The following NET1 variants were observed in gnomAD, a reference collection of about 807,000 sequenced individuals.
The protein encoded by NET1 is neuroepithelial cell-transforming gene 1 protein.
In NET1, 42 loss-of-function variants were observed where a neutral mutation model predicts 61.1. The ratio of observed to expected loss-of-function variants is 0.69; its 90% CI spans 0.54 to 0.89. NET1 has a LOEUF of 0.89. NET1 is among the 40% of genes least tolerant of loss of function. The probability of loss-of-function intolerance (pLI) is 0.00; values close to 1 mark genes in which losing one functional copy is unlikely to be tolerated. For missense variants in NET1, 654 were observed against 747.3 expected, an observed-to-expected ratio of 0.88 and a Z score of 1.46; for synonymous variants, 254 against 281.8, an observed-to-expected ratio of 0.90 and a Z score of 0.99.
intron 3 of NET1, among the ~76,000 whole-genome samples, chr10:5,433,722 T>A (rs1403380296): frequency 2.0e-5 from 3 of 152,040 alleles, no homozygotes; most frequent in African/African-American, 7.2e-5. Context: ...TTTAGGAACT[T>A]TTTTTTTCTT....
Position 5,446,942 on chromosome 10 carries a change from G to T in NET1, c.256-4888G>T. The T allele has an allele frequency of 9.2e-7, 1 of 1,081,386 alleles. No homozygotes were observed. Among genetic ancestry groups the T allele is most frequent in the Non-Finnish European group, 1.3e-6 (1 of 765,558 alleles). 67.0% of individuals were successfully genotyped at this position (1,081,386 alleles called of 1,614,324 possible). The stretch of plus-strand genomic sequence containing the variant: ...TAAAATTTTTAACAAGGTATTAACA[G>T]TATAATTTTAAACTTTTGATCTTAT... On this transcript the variant is annotated intron_variant, in intron 3 of 11. Transcript: ENST00000355029. The surrounding 1 kb of genome is among the most constrained non-coding windows in gnomAD (Gnocchi z 5.0).
Position 5,429,157 on chromosome 10 carries a change from A to AT in NET1, c.196-8dup, listed in dbSNP as rs746179808. On this transcript the variant is annotated splice_polypyrimidine_tract_variant and intron_variant, in intron 2 of 11. Coordinates refer to ENST00000355029, the MANE Select transcript of NET1 (RefSeq NM_001047160.3). ...CCTTTTATATGAGAATGAAATCTCTATTTTTCTTTTAGAAAAGAAAACGCA... is the reference window on the plus strand; with the variant it reads ...CCTTTTATATGAGAATGAAATCTCTATTTTTTCTTTTAGAAAAGAAAACGCA... 6.3e-7 allele frequency: 1 copy of AT among 1,588,492 alleles called. No homozygotes were observed. The highest frequency in any genetic ancestry group is 1.1e-5 in the South Asian group (1 of 89,136).
chr10:5,434,543 C>A (rs919067087), intron 3 of NET1, among the ~76,000 whole-genome samples: 1 of 152,118 alleles, frequency 6.6e-6, no homozygotes, highest in African/African-American at 2.4e-5. Context: ...GTTCCCAGGG[C>A]CATCAGAAAA....
rs1299545471 is a variant in NET1, at chr10:5,415,885, A to C, written c.128+3065A>C. ...TTTCATGATGTGCTTCGAAGCACAA[A>C]AATGTTTTAGTTTGTAGTCCTACTT... On this transcript the variant is annotated intron_variant, in intron 1 of 11. Coordinates refer to ENST00000355029, the MANE Select transcript of NET1 (RefSeq NM_001047160.3). The surrounding 1 kb of genome is among the most constrained non-coding windows in gnomAD (Gnocchi z 4.7). 2.0e-5 allele frequency among the ~76,000 whole-genome samples: 3 copies of C among 152,148 alleles called. No individual in the cohort carries two copies. In the East Asian group the frequency reaches 5.8e-4, roughly 29 times the overall value.
In NET1 at chr10:5,452,064, A is replaced by G; in HGVS notation, c.363+127A>G. 2 of 683,316 alleles carry G rather than the reference A, an allele frequency of 2.9e-6. No homozygotes were observed. The highest frequency in any genetic ancestry group is 4.6e-5 in the South Asian group (2 of 43,684). 42.3% of individuals were successfully genotyped at this position (683,316 alleles called of 1,614,324 possible). ...TTAAACATAGTTTTCTTTTTGGAAT[A>G]TGCTAGTAAGGAATATTGTTCCAGA... On this transcript the variant is annotated intron_variant, in intron 4 of 11. Transcript: ENST00000355029. This position sits in a 1 kb window ranked among gnomAD's most constrained non-coding sequence, Gnocchi z 4.0.
chr10:5,423,249 G>A lies in NET1; in HGVS notation c.129-3406G>A, dbSNP rs1198505246. Among the ~76,000 whole-genome samples the A allele has an allele frequency of 6.6e-6, 1 of 151,948 alleles. No homozygotes were observed. Among genetic ancestry groups the A allele is most frequent in the African/African-American group, 2.4e-5 (1 of 41,372 alleles). On this transcript the variant is annotated intron_variant, in intron 1 of 11. Coordinates refer to ENST00000355029, the MANE Select transcript of NET1 (RefSeq NM_001047160.3). This position sits in a 1 kb window ranked among gnomAD's most constrained non-coding sequence, Gnocchi z 4.4. ...TGTTGGTAATAGTAATTTTCAATACGTTTTTTGAAAATATTTATAATTTCA... is the reference window on the plus strand; with the variant it reads ...TGTTGGTAATAGTAATTTTCAATACATTTTTTGAAAATATTTATAATTTCA...
rs771670179 is a variant in NET1, at chr10:5,446,354, T to C, written c.256-5476T>C. ...TAGGGTTTTATGGGAAAAGTCTGCCTGTCTGTGACTAAGCACCAGAGTAGA... is the reference window on the plus strand; with the variant it reads ...TAGGGTTTTATGGGAAAAGTCTGCCCGTCTGTGACTAAGCACCAGAGTAGA... On this transcript the variant is annotated intron_variant, in intron 3 of 11. Coordinates refer to ENST00000355029, the MANE Select transcript of NET1 (RefSeq NM_001047160.3). The surrounding 1 kb of genome is among the most constrained non-coding windows in gnomAD (Gnocchi z 5.0). Among the ~76,000 whole-genome samples, 8 of 152,222 alleles carry C rather than the reference T, an allele frequency of 5.3e-5. No homozygotes were observed. The highest frequency in any genetic ancestry group is 1.2e-4 in the African/African-American group (5 of 41,470).
rs1832226448 is a variant in NET1, at chr10:5,424,416, ATTTG to A, written c.129-2235_129-2232del. On this transcript the variant is annotated intron_variant, in intron 1 of 11. Transcript: ENST00000355029. The surrounding 1 kb of genome is among the most constrained non-coding windows in gnomAD (Gnocchi z 6.1). The stretch of plus-strand genomic sequence containing the variant: ...TCCTGTCTTTCCATAATATTTTACC[ATTTG>A]TTTATGATAGTAATCCTATGTATTT... Among the ~76,000 whole-genome samples, 1 of 152,084 alleles carries A rather than the reference ATTTG, an allele frequency of 6.6e-6. No individual in the cohort carries two copies. Among genetic ancestry groups the A allele is most frequent in the East Asian group, 1.9e-4 (1 of 5,194 alleles).
rs145224293 is a variant in NET1 at position 5,458,305 on chromosome 10, G to T, written c.*1311G>T. On this transcript the variant is annotated 3_prime_UTR_variant, in exon 12 of 12. Coordinates refer to ENST00000355029, the MANE Select transcript of NET1 (RefSeq NM_001047160.3). The surrounding 1 kb of genome is among the most constrained non-coding windows in gnomAD (Gnocchi z 4.5). ...AAGGGGGGAGGAGGAGTAAAAGCCCGATTATAATGGTGATCAATTCAAGTC... is the reference window on the plus strand; with the variant it reads ...AAGGGGGGAGGAGGAGTAAAAGCCCTATTATAATGGTGATCAATTCAAGTC... The T allele has an allele frequency of 3.9e-5, 6 of 152,494 alleles. No individual in the cohort carries two copies. The highest frequency in any genetic ancestry group is 2.0e-4 in the Admixed American group (3 of 15,286). The allele number at this position is 152,494 out of a possible 1,614,324, so 9.4% of individuals were successfully genotyped here.
chr10:5,452,734 T>C lies in NET1; in HGVS notation c.532-124T>C, dbSNP rs1480841902. ...TTGTATTTGAGATTCCATTCTGAATTACAATTTTCAGACTGAGTTACTTTT... is the reference window on the plus strand; with the variant it reads ...TTGTATTTGAGATTCCATTCTGAATCACAATTTTCAGACTGAGTTACTTTT... On this transcript the variant is annotated intron_variant, in intron 5 of 11. Transcript: ENST00000355029. This position sits in a 1 kb window ranked among gnomAD's most constrained non-coding sequence, Gnocchi z 4.0. The C allele has an allele frequency of 5.0e-6, 5 of 996,960 alleles. No individual in the cohort carries two copies. The highest frequency in any genetic ancestry group is 7.5e-6 in the Non-Finnish European group (5 of 668,954). The allele number at this position is 996,960 out of a possible 1,614,324, so 61.8% of individuals were successfully genotyped here.
At chr10:5,429,258 G>A (rs541964959) in intron 3 of NET1, 29 bp downstream of exon 3, 2 of 1,501,460 alleles carry the variant, frequency 1.3e-6, no homozygotes, top group African/African-American at 1.4e-5. Context: ...TTAAAGAAAA[G>A]CATTTAAAAA....
rs1180686772 is a variant in NET1 at position 5,424,595 on chromosome 10, T to A, written c.129-2060T>A. On this transcript the variant is annotated intron_variant, in intron 1 of 11. Transcript: ENST00000355029. The surrounding 1 kb of genome is among the most constrained non-coding windows in gnomAD (Gnocchi z 6.1). Reference sequence around the variant, plus strand: ...AGATGGAATAATCAGCTTCTTAGATTGTTTTGCGCCACTAAAGAGGCCGTC... The same window carrying A: ...AGATGGAATAATCAGCTTCTTAGATAGTTTTGCGCCACTAAAGAGGCCGTC... Among the ~76,000 whole-genome samples the A allele has an allele frequency of 6.6e-6, 1 of 152,226 alleles. No individual in the cohort carries two copies. Among genetic ancestry groups the A allele is most frequent in the Non-Finnish European group, 1.5e-5 (1 of 68,038 alleles).
At chr10:5,450,812 C>T (rs1832691384) in intron 3 of NET1, among the ~76,000 whole-genome samples, 2 of 152,210 alleles carry the variant, frequency 1.3e-5, no homozygotes, top group African/African-American at 4.8e-5. Context: ...CTCCATTTTT[C>T]TAGCGATAAA....
chr10:5,413,159 G>A (rs1490851024), intron 1 of NET1, among the ~76,000 whole-genome samples: 2 of 152,118 alleles, frequency 1.3e-5, no homozygotes, highest in African/African-American at 4.8e-5. Flanking sequence ...TGTGGCAAAG[G>A]GGCGGGTTTA....
Position 5,446,860 on chromosome 10 carries a change from TA to T in NET1, c.256-4968del. On this transcript the variant is annotated intron_variant, in intron 3 of 11. Transcript: ENST00000355029. The surrounding 1 kb of genome is among the most constrained non-coding windows in gnomAD (Gnocchi z 5.0). ...AACCAGTCCTTCAGAGAACAAGAGG[TA>T]AGACTTTAAGAGAAACGTTAGGCAA... 1 of 1,600,354 alleles carries T rather than the reference TA, an allele frequency of 6.2e-7. No homozygotes were observed. Among genetic ancestry groups the T allele is most frequent in the South Asian group, 1.1e-5 (1 of 88,348 alleles).
rs1365398521 is a variant in NET1 at position 5,417,011 on chromosome 10, T to C, written c.128+4191T>C. 2.0e-5 allele frequency among the ~76,000 whole-genome samples: 3 copies of C among 152,192 alleles called. No homozygotes were observed. The East Asian group carries it at 5.8e-4, about 29-fold the overall frequency. On this transcript the variant is annotated intron_variant, in intron 1 of 11. Transcript: ENST00000355029. The surrounding 1 kb of genome is among the most constrained non-coding windows in gnomAD (Gnocchi z 5.5). Reference sequence around the variant, plus strand: ...TCAGATGACACGTTGGCTTGGATAATGATTGCAAGCTTTTATAGAGTGGAA... The same window carrying C: ...TCAGATGACACGTTGGCTTGGATAACGATTGCAAGCTTTTATAGAGTGGAA...
Position 5,454,644 on chromosome 10 carries a change from A to G in NET1, c.1026+122A>G, listed in dbSNP as rs1202000910. On this transcript the variant is annotated intron_variant, in intron 9 of 11. Coordinates refer to ENST00000355029, the MANE Select transcript of NET1 (RefSeq NM_001047160.3). The surrounding 1 kb of genome is among the most constrained non-coding windows in gnomAD (Gnocchi z 8.1). ...AGTGAATTGTTTTGTTGTTTTAAGT[A>G]CCCAGTGCGTTAGTACGCTGTGCAC... 8.5e-7 allele frequency: 1 copy of G among 1,177,900 alleles called. No individual in the cohort carries two copies. Among genetic ancestry groups the G allele is most frequent in the Non-Finnish European group, 1.2e-6 (1 of 841,614 alleles). The allele number at this position is 1,177,900 out of a possible 1,614,324, so 73.0% of individuals were successfully genotyped here. A position where few individuals can be genotyped will look rare whatever the true frequency, so the allele number is the denominator to read the frequency against.
At position 5,437,437 on chromosome 10, in the gene NET1, A is replaced by G. The variant is rs1034847858; in HGVS notation, c.255+8208A>G. 6.6e-6 allele frequency among the ~76,000 whole-genome samples: 1 copy of G among 152,060 alleles called. No individual in the cohort carries two copies. Among genetic ancestry groups the G allele is most frequent in the East Asian group, 1.9e-4 (1 of 5,200 alleles). On this transcript the variant is annotated intron_variant, in intron 3 of 11. Transcript: ENST00000355029. This position sits in a 1 kb window ranked among gnomAD's most constrained non-coding sequence, Gnocchi z 4.3. ...GTCTTTTAAGAATGGCTATTTTTGT[A>G]TATTTCTAATTTTTTTCATATTAAA...
chr10:5,439,415 A>G lies in NET1; in HGVS notation c.255+10186A>G, dbSNP rs1458366464. On this transcript the variant is annotated intron_variant, in intron 3 of 11. Coordinates refer to ENST00000355029, the MANE Select transcript of NET1 (RefSeq NM_001047160.3). The surrounding 1 kb of genome is among the most constrained non-coding windows in gnomAD (Gnocchi z 4.8). Reference sequence around the variant, plus strand: ...TGAAAGAGAAGTACCAGTGTAATGTACTAGGTTACATGGCAGTCTGGGCCA... The same window carrying G: ...TGAAAGAGAAGTACCAGTGTAATGTGCTAGGTTACATGGCAGTCTGGGCCA... 6.6e-6 allele frequency among the ~76,000 whole-genome samples: 1 copy of G among 152,250 alleles called. No homozygotes were observed. Among genetic ancestry groups the G allele is most frequent in the Admixed American group, 6.5e-5 (1 of 15,286 alleles).
Sources: gnomAD v4.1 joint callset for allele counts (sites outside exome capture counted in the v4.1 genomes callset) on GRCh38, gnomAD v4.1.1 for gene constraint, Gnocchi (gnomAD v3.1) non-coding constraint, MANE v1.5 for transcripts, NCBI Gene and HGNC (gene_info 2026-07-23, HGNC 2026-07-21) for gene names.